The following PGAP1 variants were observed in gnomAD, a reference collection of about 807,000 sequenced individuals.
The protein encoded by PGAP1 is post-GPI attachment to proteins inositol deacylase 1, also known as GPI inositol-deacylase.
Under a neutral mutation model 127.0 loss-of-function variants are expected in PGAP1, and 76 were observed. The ratio of observed to expected loss-of-function variants is 0.60; its 90% CI spans 0.50 to 0.72. The LOEUF is 0.72. Among genes scored for constraint, PGAP1 ranks in the 30% least tolerant of loss-of-function variants. The probability of loss-of-function intolerance (pLI) is 0.00; values close to 1 mark genes in which losing one functional copy is unlikely to be tolerated. For missense variants in PGAP1, 982 were observed against 1,071.3 expected, an observed-to-expected ratio of 0.92 and a Z score of 1.16; for synonymous variants, 362 against 366.5, an observed-to-expected ratio of 0.99 and a Z score of 0.14.
intron 19 of PGAP1, among the ~76,000 whole-genome samples, chr2:196,869,757 T>A (rs1032167224): frequency 4.6e-5 from 7 of 152,246 alleles, no homozygotes; most frequent in African/African-American, 1.7e-4. Context: ...TTTTATAATG[T>A]TCACAAATTA....
chr2:196,870,753 G>T (rs1034620718), intron 19 of PGAP1, among the ~76,000 whole-genome samples, 188 bp downstream of exon 19: 1 of 152,100 alleles, frequency 6.6e-6, no homozygotes, highest in African/African-American at 2.4e-5. Flanking sequence ...TCAAGTGTAA[G>T]AAGAATGAAA....
At chr2:196,865,108 C>T in intron 19 of PGAP1, 28 bp from the exon 20 acceptor site, 1 of 1,240,960 alleles carries the variant, frequency 8.1e-7, no homozygotes, top group Non-Finnish European at 1.1e-6. Flanking sequence ...CAATGGGCAA[C>T]TCCTGAATAT....
intron 19 of PGAP1, among the ~76,000 whole-genome samples, chr2:196,870,559 G>C (rs936586189): frequency 5.3e-5 from 8 of 152,178 alleles, no homozygotes; most frequent in African/African-American, 1.9e-4. Context: ...GCCTCCCAAA[G>C]TGCTGGGATT....
intron 19 of PGAP1, among the ~76,000 whole-genome samples, chr2:196,866,076 C>T (rs562968568): frequency 2.0e-5 from 3 of 152,142 alleles, no homozygotes; most frequent in South Asian, 2.1e-4. Flanking sequence ...CAATGTTATC[C>T]GCATCAAGCT....
At chr2:196,880,000 A>T in intron 13 of PGAP1, 76 bp downstream of exon 13, 1 of 1,043,840 alleles carries the variant, frequency 9.6e-7, no homozygotes, top group Non-Finnish European at 1.5e-6. Flanking sequence ...GTGCAGAAAA[A>T]CTCATTGAAA....
intron 20 of PGAP1, among the ~76,000 whole-genome samples, chr2:196,850,418 G>A (rs1323821500): frequency 2.0e-5 from 3 of 152,178 alleles, no homozygotes; most frequent in African/African-American, 7.2e-5. Flanking sequence ...AACAAGATCA[G>A]GCTCTACATT....
chr2:196,871,483 AT>A (rs1183281910), intron 18 of PGAP1, among the ~76,000 whole-genome samples: 1 of 152,118 alleles, frequency 6.6e-6, no homozygotes, highest in African/African-American at 2.4e-5. Flanking sequence ...AAAAATGGAC[AT>A]TTTGAGAGCA....
intron 10 of PGAP1, among the ~76,000 whole-genome samples, chr2:196,889,944 T>C (rs1702043836): frequency 6.6e-6 from 1 of 152,124 alleles, no homozygotes; most frequent in South Asian, 2.1e-4. Flanking sequence ...TTCCCTTTTT[T>C]TTCTTCTGAG....
At chr2:196,890,688 C>G (rs1180497401) in intron 10 of PGAP1, 140 bp downstream of exon 10, 3 of 560,830 alleles carry the variant, frequency 5.3e-6, no homozygotes, top group Non-Finnish European at 9.6e-6. Flanking sequence ...ACTTTTCAAT[C>G]AAAACACTCG....
intron 1 of PGAP1, chr2:196,922,187 C>T: frequency 7.7e-7 from 1 of 1,297,820 alleles, no homozygotes; most frequent in South Asian, 1.3e-5. Context: ...CTTCTCATCT[C>T]TACATAAACT....
At position 196,892,379 on chromosome 2, in the gene PGAP1, T is replaced by C; in HGVS notation, c.1056A>G (p.Val352=). The C allele has an allele frequency of 1.3e-6, 2 of 1,496,914 alleles. No homozygotes were observed. Among genetic ancestry groups the C allele is most frequent in the Non-Finnish European group, 1.8e-6 (2 of 1,092,702 alleles). The allele number at this position is 1,496,914 out of a possible 1,614,324, so 92.7% of individuals were successfully genotyped here. A position where few individuals can be genotyped will look rare whatever the true frequency, so the allele number is the denominator to read the frequency against. ...DLTGTSMWVL[V]KVSKWTYVAY... ...CTACATAGGTCCATTTGGACACTTTTACTAGAACCCACATAGATGTCCCTG... is the reference window on the plus strand; with the variant it reads ...CTACATAGGTCCATTTGGACACTTTCACTAGAACCCACATAGATGTCCCTG... The change falls in exon 9 of 27, where the codon GTA becomes GTG. Residue 352 remains valine, a synonymous_variant. Transcript: ENST00000354764.
intron 7 of PGAP1, among the ~76,000 whole-genome samples, chr2:196,893,949 G>A (rs184617641): frequency 1.3e-5 from 2 of 152,308 alleles, no homozygotes; most frequent in African/African-American, 4.8e-5. Flanking sequence ...ACCACAGAGC[G>A]AGAACGGCAA....
At chr2:196,920,222 C>G in intron 1 of PGAP1, 72 bp from the exon 2 acceptor site, 1 of 1,332,044 alleles carries the variant, frequency 7.5e-7, no homozygotes, top group Non-Finnish European at 1.0e-6. Context: ...ATATGCAATT[C>G]TGAATTACGC....
intron 10 of PGAP1, among the ~76,000 whole-genome samples, chr2:196,888,801 AAAT>A (rs1429161261): frequency 1.3e-5 from 2 of 152,142 alleles, no homozygotes; most frequent in Non-Finnish European, 2.9e-5. Flanking sequence ...TGGTTGGATG[AAAT>A]AATGGTATTA....
At chr2:196,855,760 T>C (rs1411403224) in intron 20 of PGAP1, among the ~76,000 whole-genome samples, 1 of 152,180 alleles carries the variant, frequency 6.6e-6, no homozygotes, top group Non-Finnish European at 1.5e-5. Context: ...TATGGCCGTA[T>C]GATTTTTTTT....
chr2:196,847,012 G>A lies in PGAP1; in HGVS notation c.2141C>T (p.Ala714Val), dbSNP rs759027447. Residue 714 changes from alanine (A) to valine (V), a missense_variant, in exon 22 of 27, where the codon GCT becomes GTT. Physicochemically the swap from Ala to Val is moderately conservative, Grantham distance 64. Coordinates refer to ENST00000354764, the MANE Select transcript of PGAP1 (RefSeq NM_024989.4). ...SVRLLSSLWL[A>V]LKRPSELPKD... Reference sequence around the variant, plus strand: ...ATCATTCATTCTTTACCTTTTCAAAGCTAGCCACAATGAAGAAAGAAGTCT... The same window carrying A: ...ATCATTCATTCTTTACCTTTTCAAAACTAGCCACAATGAAGAAAGAAGTCT... The A allele has an allele frequency of 7.7e-5, 124 of 1,612,208 alleles. No individual in the cohort carries two copies. Among genetic ancestry groups the A allele is most frequent in the Non-Finnish European group, 1.0e-4 (121 of 1,178,968 alleles).
chr2:196,846,741 C>T (rs971490558), intron 22 of PGAP1, among the ~76,000 whole-genome samples: 2 of 152,124 alleles, frequency 1.3e-5, no homozygotes, highest in African/African-American at 4.8e-5. Flanking sequence ...TTCACAACCA[C>T]GAAATGTAAA....
chr2:196,884,283 A>G (rs1435962185), intron 12 of PGAP1, among the ~76,000 whole-genome samples: 1 of 152,172 alleles, frequency 6.6e-6, no homozygotes, highest in Non-Finnish European at 1.5e-5. Context: ...AATATTTAAT[A>G]ACACCTTATA....
intron 20 of PGAP1, among the ~76,000 whole-genome samples, chr2:196,857,457 A>G (rs1482420997): frequency 2.0e-5 from 3 of 152,216 alleles, no homozygotes; most frequent in Non-Finnish European, 4.4e-5. Flanking sequence ...CTAGTCACCA[A>G]TCATTACAAT....
Sources: allele counts gnomAD v4.1 joint callset (sites outside exome capture counted in the v4.1 genomes callset), GRCh38; gene constraint gnomAD v4.1.1; transcripts MANE v1.5; gene names NCBI Gene and HGNC (gene_info 2026-07-23, HGNC 2026-07-21).